The following NKAIN2 variants were observed in gnomAD, a reference collection of about 807,000 sequenced individuals.
The protein encoded by NKAIN2 is sodium/potassium transporting ATPase interacting 2, also known as sodium/potassium-transporting ATPase subunit beta-1-interacting protein 2.
Under a neutral mutation model 32.6 loss-of-function variants are expected in NKAIN2, and 14 were observed. The observed-to-expected ratio is 0.43, with a 90% CI of 0.28 to 0.67. The LOEUF is 0.67. NKAIN2 is among the 30% of genes least tolerant of loss of function. The pLI is 0.17. For synonymous variants in NKAIN2, 80 were observed against 87.2 expected, an observed-to-expected ratio of 0.92 and a Z score of 0.46; for missense variants, 198 against 258.3, an observed-to-expected ratio of 0.77 and a Z score of 1.60.
At chr6:123,974,201 G>A (rs1013988744) in intron 1 of NKAIN2, among the ~76,000 whole-genome samples, 1 of 152,106 alleles carries the variant, frequency 6.6e-6, no homozygotes, top group Admixed American at 6.6e-5. Flanking sequence ...TTGTACCCTC[G>A]ATAGCCACCT....
Position 124,048,145 on chromosome 6 carries a change from C to T in NKAIN2, c.55-234860C>T, listed in dbSNP as rs191601405. Among the ~76,000 whole-genome samples, 26 of 152,122 alleles carry T rather than the reference C, an allele frequency of 1.7e-4. No individual in the cohort carries two copies. The East Asian group carries it at 5.1e-3, about 30-fold the overall frequency. ...TCTGCTCCTCCCATCCTGCTGAGCC[C>T]TTGCACACTGCCCCTCATTGGATGC... On this transcript the variant is annotated intron_variant, in intron 1 of 6. Coordinates refer to ENST00000368417, the MANE Select transcript of NKAIN2 (RefSeq NM_001040214.3).
intron 3 of NKAIN2, among the ~76,000 whole-genome samples, chr6:124,428,108 T>TA (rs1775059939): frequency 6.6e-6 from 1 of 152,034 alleles, no homozygotes; most frequent in African/African-American, 2.4e-5. Flanking sequence ...CATGAATAAC[T>TA]AAAAAAATAG....
At chr6:124,364,323 T>TA (rs1184402212) in intron 3 of NKAIN2, among the ~76,000 whole-genome samples, 3 of 148,866 alleles carry the variant, frequency 2.0e-5, no homozygotes, top group Non-Finnish European at 3.0e-5. Flanking sequence ...ATTACCAGGA[T>TA]AAAAAAACAG....
intron 1 of NKAIN2, among the ~76,000 whole-genome samples, chr6:124,206,885 T>C (rs1274797007): frequency 6.6e-6 from 1 of 151,812 alleles, no homozygotes; most frequent in African/African-American, 2.4e-5. Context: ...GATGATATAG[T>C]GATAATATTT....
At chr6:124,402,899 G>A (rs185844576) in intron 3 of NKAIN2, among the ~76,000 whole-genome samples, 2 of 152,056 alleles carry the variant, frequency 1.3e-5, no homozygotes, top group African/African-American at 4.8e-5. Context: ...CCAAATCCTT[G>A]TGACATGCAA....
chr6:123,904,140 C>A (rs1425415496), intron 1 of NKAIN2, among the ~76,000 whole-genome samples: 2 of 151,094 alleles, frequency 1.3e-5, no homozygotes, highest in African/African-American at 4.9e-5. Context: ...CTGAGGCAGG[C>A]GAATTGCTTG....
chr6:124,611,725 A>C (rs1215912469), intron 3 of NKAIN2, among the ~76,000 whole-genome samples: 2 of 152,126 alleles, frequency 1.3e-5, no homozygotes, highest in Non-Finnish European at 2.9e-5. Flanking sequence ...GTGTTTGTGT[A>C]AGAAAAGAGG....
chr6:124,412,230 C>A (rs577462881), intron 3 of NKAIN2, among the ~76,000 whole-genome samples: 4 of 152,270 alleles, frequency 2.6e-5, no homozygotes, highest in African/African-American at 9.6e-5. Context: ...AGGAGCTGTT[C>A]TTTTGGAGGA....
intron 3 of NKAIN2, among the ~76,000 whole-genome samples, chr6:124,434,964 T>C (rs1775375624): frequency 6.6e-6 from 1 of 152,286 alleles, no homozygotes; most frequent in Middle Eastern, 3.4e-3. Flanking sequence ...TCAGTAAATA[T>C]TATATGCAGC....
chr6:124,041,835 AT>A (rs951455112), intron 1 of NKAIN2, among the ~76,000 whole-genome samples: 7 of 152,122 alleles, frequency 4.6e-5, no homozygotes, highest in African/African-American at 1.7e-4. Flanking sequence ...ACTAAGTTCA[AT>A]TTTAACCTAA....
intron 2 of NKAIN2, among the ~76,000 whole-genome samples, chr6:124,330,508 C>G (rs993611682): frequency 6.6e-6 from 1 of 152,172 alleles, no homozygotes; most frequent in Non-Finnish European, 1.5e-5. Flanking sequence ...AGCCTTGTAC[C>G]TCCACATCAA....
chr6:123,983,674 C>G (rs1025320566), intron 1 of NKAIN2, among the ~76,000 whole-genome samples: 2 of 152,026 alleles, frequency 1.3e-5, no homozygotes, highest in Admixed American at 6.6e-5. Flanking sequence ...ATCAAATATT[C>G]ATGGTATTTG....
chr6:124,737,054 G>A (rs1252517297), intron 4 of NKAIN2, among the ~76,000 whole-genome samples: 1 of 151,910 alleles, frequency 6.6e-6, no homozygotes, highest in African/African-American at 2.4e-5. Flanking sequence ...GGATTCATGA[G>A]AGGAGGTCAA....
intron 2 of NKAIN2, among the ~76,000 whole-genome samples, chr6:124,344,025 C>A (rs992305405): frequency 6.6e-6 from 1 of 151,928 alleles, no homozygotes; most frequent in Admixed American, 6.6e-5. Flanking sequence ...ATAAGGAAGG[C>A]ATCCAGTTTC....
At chr6:123,953,712 A>G (rs967720914) in intron 1 of NKAIN2, among the ~76,000 whole-genome samples, 3 of 152,154 alleles carry the variant, frequency 2.0e-5, no homozygotes, top group African/African-American at 7.2e-5. Context: ...AGTTGGAGCC[A>G]GGCCTAGTAG....
chr6:124,689,580 T>C (rs1314827120), intron 4 of NKAIN2, among the ~76,000 whole-genome samples: 1 of 152,106 alleles, frequency 6.6e-6, no homozygotes, highest in Non-Finnish European at 1.5e-5. Context: ...TTCTAGAAGC[T>C]TTATAGTTTT....
intron 3 of NKAIN2, among the ~76,000 whole-genome samples, chr6:124,586,817 G>C (rs1009147565): frequency 6.6e-6 from 1 of 152,048 alleles, no homozygotes; most frequent in Non-Finnish European, 1.5e-5. Context: ...TGGATAAATC[G>C]TGATACCTCT....
intron 1 of NKAIN2, among the ~76,000 whole-genome samples, chr6:124,149,117 T>A (rs1487822314): frequency 6.6e-6 from 1 of 151,970 alleles, no homozygotes; most frequent in Non-Finnish European, 1.5e-5. Context: ...TGGAGAAACG[T>A]CTATTTAAAT....
chr6:124,430,472 C>T (rs766679404), intron 3 of NKAIN2, among the ~76,000 whole-genome samples: 8 of 151,978 alleles, frequency 5.3e-5, no homozygotes, highest in East Asian at 1.9e-4. Context: ...TATCAGAGGA[C>T]GGTTTGGCCT....
Sources: gnomAD v4.1 joint callset for allele counts (sites outside exome capture counted in the v4.1 genomes callset) on GRCh38, gnomAD v4.1.1 for gene constraint, MANE v1.5 for transcripts, NCBI Gene and HGNC (gene_info 2026-07-23, HGNC 2026-07-21) for gene names.